SLC1A6: variants seen among roughly 807,000 people sequenced by gnomAD.
SLC1A6 encodes the protein excitatory amino acid transporter 4.
Under a neutral mutation model 42.1 loss-of-function variants are expected in SLC1A6, and 15 were observed. That is an observed-to-expected ratio of 0.36 (90% CI 0.24 to 0.55). The LOEUF (loss-of-function observed/expected upper bound fraction) is 0.55, where lower values mean the gene tolerates loss of function less well. Among genes scored for constraint, SLC1A6 ranks in the 20% least tolerant of loss-of-function variants. The pLI is 0.88. For missense variants in SLC1A6, 542 were observed against 772.5 expected (o/e 0.70, Z 3.54); for synonymous variants, 317 against 319.7 (o/e 0.99, Z 0.09).
intron 5 of SLC1A6, among the ~76,000 whole-genome samples, chr19:14,963,856 T>C (rs1302853134): frequency 6.6e-6 from 1 of 151,156 alleles, no homozygotes; most frequent in African/African-American, 2.4e-5. Flanking sequence ...CTTTTTTTGA[T>C]ATGGGGTCTT....
chr19:14,963,548 C>T (rs1018332541), intron 5 of SLC1A6, among the ~76,000 whole-genome samples: 1 of 152,180 alleles, frequency 6.6e-6, no homozygotes, highest in Admixed American at 6.5e-5. Flanking sequence ...TTCAAAACAT[C>T]ATCATACCTC....
chr19:14,991,220 G>A (rs941346498), intron 1 of SLC1A6, among the ~76,000 whole-genome samples: 10 of 152,148 alleles, frequency 6.6e-5, no homozygotes, highest in Non-Finnish European at 1.2e-4. Flanking sequence ...CTGCAGGCGG[G>A]AGAAATGATG....
chr19:14,970,436 G>A (rs1194581398), intron 3 of SLC1A6, among the ~76,000 whole-genome samples: 1 of 152,140 alleles, frequency 6.6e-6, no homozygotes, highest in African/African-American at 2.4e-5. Context: ...TAATGGCCGG[G>A]CGGGGTGGCT....
chr19:14,956,192 T>C (rs1025171796), intron 7 of SLC1A6, among the ~76,000 whole-genome samples: 10 of 151,986 alleles, frequency 6.6e-5, no homozygotes, highest in Admixed American at 3.9e-4. Context: ...AGCTAGGAAA[T>C]GACTGAGCTC....
intron 1 of SLC1A6, among the ~76,000 whole-genome samples, chr19:14,990,793 A>AC (rs2045816268): frequency 2.7e-5 from 4 of 148,288 alleles, no homozygotes; most frequent in Non-Finnish European, 6.0e-5. Flanking sequence ...AAACAAAAAA[A>AC]AAAAAAAACG....
At position 14,967,033 on chromosome 19, in the gene SLC1A6, T is replaced by G. The variant is rs187107988; in HGVS notation, c.548+1270A>C. Among the ~76,000 whole-genome samples the G allele has an allele frequency of 2.4e-3, 366 of 152,162 alleles. 6 individuals are homozygous for G. The highest frequency in any genetic ancestry group is 3.1e-4 in the Non-Finnish European group (21 of 67,986). ...ACGTTCTGCACATGTATCCCAGAAC[T>G]TAAAGTAAAAAATAAAATAAAATAT... is the stretch of plus-strand genomic sequence containing the variant. On this transcript the variant is annotated intron_variant, in intron 4 of 9. Coordinates refer to ENST00000594383, the MANE Select transcript of SLC1A6 (RefSeq NM_005071.3).
intron 1 of SLC1A6, among the ~76,000 whole-genome samples, chr19:15,004,977 G>A (rs1404268827): frequency 6.6e-6 from 1 of 152,202 alleles, no homozygotes; most frequent in African/African-American, 2.4e-5. Context: ...CTTCCAGACA[G>A]GCCAGGCACA....
chr19:14,996,590 C>G (rs1248444943), intron 1 of SLC1A6, among the ~76,000 whole-genome samples: 2 of 48,326 alleles, frequency 4.1e-5, no homozygotes, highest in Non-Finnish European at 8.7e-5. Flanking sequence ...TTCTTCCTCT[C>G]ATTGTACCTT....
In SLC1A6 at chr19:15,003,747, C is replaced by T. The variant is rs540348523; in HGVS notation, c.6+6738G>A. On this transcript the variant is annotated intron_variant, in intron 1 of 8. Coordinates refer to the SLC1A6 transcript ENST00000430939. ...TCTTCATCCATTCTGCAATTTCACT[C>T]GATTTCGCCCAAAAGCAGAATTCTG... is the stretch of plus-strand genomic sequence containing the variant. Among the ~76,000 whole-genome samples the T allele has an allele frequency of 1.4e-4, 22 of 152,104 alleles. No homozygotes were observed. In the South Asian group the frequency reaches 4.0e-3, roughly 27 times the overall value.
chr19:14,970,526 A>C (rs1392687411), intron 3 of SLC1A6, among the ~76,000 whole-genome samples: 2 of 151,776 alleles, frequency 1.3e-5, no homozygotes, highest in Admixed American at 1.3e-4. Context: ...CCTGGCTAGC[A>C]CGGTGAAACC....
At chr19:14,976,024 T>C (rs1786447325) in intron 1 of SLC1A6, among the ~76,000 whole-genome samples, 1 of 152,158 alleles carries the variant, frequency 6.6e-6, no homozygotes, top group South Asian at 2.1e-4. Flanking sequence ...GGTGCCCTTC[T>C]TCCAGGCATA....
intron 1 of SLC1A6, among the ~76,000 whole-genome samples, chr19:14,997,170 C>A (rs2045851457): frequency 6.6e-6 from 1 of 152,200 alleles, no homozygotes; most frequent in East Asian, 1.9e-4. Context: ...AAATGCATAT[C>A]TGCTTGCCTC....
chr19:14,950,334 A>G lies in SLC1A6; in HGVS notation c.1556T>C (p.Ile519Thr). Residue 519 changes from isoleucine (I) to threonine (T), a missense_variant, in exon 10 of 10, where the codon ATC (isoleucine) becomes ACC (threonine). By Grantham distance (89) the Ile-to-Thr change is moderately conservative. Around this residue, in one of 6 missense-constraint regions of SLC1A6, gnomAD observed 73 missense variants for 85.2 expected, o/e 0.86. Transcript: ENST00000594383. ...VLGDSIGAAV[I>T]EHLSQRELEL... ...CAGCTCCCGCTGAGACAAGTGCTCG[A>G]TGACGGCCGCTCCAATTGAGTCCCC... 1 of 1,611,290 alleles carries G rather than the reference A, an allele frequency of 6.2e-7. No homozygotes were observed. The highest frequency in any genetic ancestry group is 8.5e-7 in the Non-Finnish European group (1 of 1,178,512).
chr19:14,986,748 G>A (rs2045794833), intron 1 of SLC1A6, among the ~76,000 whole-genome samples: 1 of 151,918 alleles, frequency 6.6e-6, no homozygotes, highest in Non-Finnish European at 1.5e-5. Context: ...GCGCCACCAG[G>A]TCTGGCTAAT....
chr19:14,968,718 C>T (rs2045603120), intron 3 of SLC1A6, among the ~76,000 whole-genome samples: 1 of 152,050 alleles, frequency 6.6e-6, no homozygotes, highest in African/African-American at 2.4e-5. Flanking sequence ...CCCTCACACG[C>T]CATCCCAACC....
Position 14,986,880 on chromosome 19 carries a change from G to A in SLC1A6, c.7-13963C>T, listed in dbSNP as rs529180096. On this transcript the variant is annotated intron_variant, in intron 1 of 8. Transcript: ENST00000430939. ...AGTCACTGTACCTGGCCTGAAACTG[G>A]CTTTTGTTAAAACCATGAGTGTGTG... 2.0e-5 allele frequency among the ~76,000 whole-genome samples: 3 copies of A among 152,184 alleles called. No individual in the cohort carries two copies. The South Asian group carries it at 6.2e-4, about 32-fold the overall frequency.
rs2045745216 is a variant in SLC1A6, at chr19:14,979,102, GC to G, written c.-8+206del. Among the ~76,000 whole-genome samples, 3 of 118,314 alleles carry G rather than the reference GC, an allele frequency of 2.5e-5. No individual in the cohort carries two copies. Among genetic ancestry groups the G allele is most frequent in the Admixed American group, 8.2e-5 (1 of 12,250 alleles). The allele number at this position is 118,314 out of a possible 152,430, so 77.6% of individuals were successfully genotyped here. A position where few individuals can be genotyped will look rare whatever the true frequency, so the allele number is the denominator to read the frequency against. ...CACACACACACACACACACACTAAT[GC>G]CCAGACCCTCTGCAGCCTCAGCCAC... On this transcript the variant is annotated intron_variant, in intron 1 of 9. Transcript: ENST00000594383. This position sits in a 1 kb window ranked among gnomAD's most constrained non-coding sequence, Gnocchi z 4.2.
chr19:15,003,144 A>G (rs1410826750), intron 1 of SLC1A6, among the ~76,000 whole-genome samples: 1 of 152,014 alleles, frequency 6.6e-6, no homozygotes. Context: ...ACGCCCAGCT[A>G]ATTTTTGCAT....
intron 3 of SLC1A6, among the ~76,000 whole-genome samples, chr19:14,969,982 CT>C (rs78920893): frequency 0.13 from 19,827 of 152,182 alleles, 1,643 homozygotes; most frequent in African/African-American, 0.24. Context: ...CCCTCCTCTT[CT>C]TCTTCCTCAG....
Sources: allele counts gnomAD v4.1 joint callset (sites outside exome capture counted in the v4.1 genomes callset), GRCh38; gene constraint gnomAD v4.1.1; regional missense constraint gnomAD v4.1.1; non-coding constraint Gnocchi (gnomAD v3.1); transcripts MANE v1.5; gene names NCBI Gene and HGNC (gene_info 2026-07-23, HGNC 2026-07-21).